The following SMARCAL1 variants were observed in gnomAD, a reference collection of about 807,000 sequenced individuals.
SMARCAL1 encodes ATP-driven annealing helicase.
SMARCAL1 carries 58 observed loss-of-function variants against 94.5 expected under a neutral mutation model. That is an observed-to-expected ratio of 0.61 (90% confidence interval 0.50 to 0.76). SMARCAL1 has a LOEUF of 0.76. Among genes scored for constraint, SMARCAL1 ranks in the 30% least tolerant of loss-of-function variants. SMARCAL1 has a pLI of 0.00. For missense variants in SMARCAL1, 1,051 were observed against 1,177.9 expected, an observed-to-expected ratio of 0.89 and a Z score of 1.58; for synonymous variants, 422 against 455.1, an observed-to-expected ratio of 0.93 and a Z score of 0.93.
At chr2:216,464,958 C>T (rs550901874) in intron 13 of SMARCAL1, among the ~76,000 whole-genome samples, 2 of 152,174 alleles carry the variant, frequency 1.3e-5, no homozygotes, top group East Asian at 3.9e-4. Flanking sequence ...CCAGCCTGGA[C>T]AACATAGTGA....
intron 6 of SMARCAL1, among the ~76,000 whole-genome samples, chr2:216,428,033 A>T (rs1693875711): frequency 6.6e-6 from 1 of 152,214 alleles, no homozygotes; most frequent in East Asian, 1.9e-4. Context: ...TTGAAAAGGT[A>T]AAGGATAAAG....
chr2:216,427,180 T>A (rs572224949), intron 6 of SMARCAL1: 9 of 152,234 alleles, frequency 5.9e-5, no homozygotes, highest in Non-Finnish European at 1.2e-4. Context: ...AAATGACTTC[T>A]AGATGACTCA....
chr2:216,423,193 C>T (rs967967343), intron 5 of SMARCAL1, among the ~76,000 whole-genome samples: 1 of 152,196 alleles, frequency 6.6e-6, no homozygotes, highest in Non-Finnish European at 1.5e-5. Context: ...ACTTGTTTCC[C>T]ATGTGTAAAA....
At chr2:216,441,722 A>G (rs480842) in intron 10 of SMARCAL1, among the ~76,000 whole-genome samples, 111,621 of 152,096 alleles carry the variant, frequency 0.73, 41,453 homozygotes, top group African/African-American at 0.86. Context: ...TGACCTTTTT[A>G]GGGGAGGCCT....
chr2:216,464,501 T>G, intron 12 of SMARCAL1, 96 bp from the exon 13 acceptor site: 165 of 929,126 alleles, frequency 1.8e-4, no homozygotes, highest in Non-Finnish European at 2.3e-4. Flanking sequence ...GACGGGTGGT[T>G]GAGATTTGTA....
rs889090943 is a variant in SMARCAL1 at position 216,475,485 on chromosome 2, G to A, written c.2427+34G>A. On this transcript the variant is annotated intron_variant, in intron 15 of 17. Transcript: ENST00000357276. The surrounding 1 kb of genome is among the most constrained non-coding windows in gnomAD (Gnocchi z 4.4). ...CGCAGAAGACTCAGATACTCCCCAG[G>A]CATGCTCATGGCTGTGGGCAGGAAG... is the stretch of plus-strand genomic sequence containing the variant. The A allele has an allele frequency of 5.0e-6, 8 of 1,600,590 alleles. No homozygotes were observed. The Admixed American group carries it at 1.2e-4, about 23-fold the overall frequency.
chr2:216,453,015 A>T (rs941206034), intron 12 of SMARCAL1, among the ~76,000 whole-genome samples: 1 of 152,200 alleles, frequency 6.6e-6, no homozygotes, highest in East Asian at 1.9e-4. Context: ...ACGGAGCCAC[A>T]ACTCCCTTTT....
intron 11 of SMARCAL1, among the ~76,000 whole-genome samples, chr2:216,448,713 T>A (rs1694374600): frequency 6.6e-6 from 1 of 152,022 alleles, no homozygotes; most frequent in Non-Finnish European, 1.5e-5. Context: ...ACACATGTAG[T>A]CCCAGCTACT....
At chr2:216,474,240 A>G (rs1695023311) in intron 14 of SMARCAL1, among the ~76,000 whole-genome samples, 1 of 143,374 alleles carries the variant, frequency 7.0e-6, no homozygotes, top group Non-Finnish European at 1.5e-5. Context: ...CCCGGATTCA[A>G]GTGATTCTCC....
At chr2:216,460,737 A>G (rs1386518061) in intron 12 of SMARCAL1, among the ~76,000 whole-genome samples, 3 of 151,202 alleles carry the variant, frequency 2.0e-5, no homozygotes, top group African/African-American at 4.9e-5. Flanking sequence ...CCTAATGTAA[A>G]TGATGAGTTA....
intron 12 of SMARCAL1, among the ~76,000 whole-genome samples, chr2:216,457,382 A>G (rs1313823526): frequency 1.3e-5 from 2 of 152,246 alleles, no homozygotes; most frequent in Non-Finnish European, 2.9e-5. Flanking sequence ...TCAACAGAAT[A>G]TACATTCTTC....
chr2:216,438,464 A>G lies in SMARCAL1; in HGVS notation c.1689A>G (p.Arg563=), dbSNP rs1452792009. ...AAAACAGTAGGACTGCCCGCTGTCG[A>G]GCAGCTATGCCGGTCCTAAAGGTGA... ...FLKNSRTARC[R]AAMPVLKVAK... is the part of the protein sequence containing the mutation. The change falls in exon 10 of 18, where the codon CGA becomes CGG. Residue 563 remains arginine, a synonymous_variant. Coordinates refer to ENST00000357276, the MANE Select transcript of SMARCAL1 (RefSeq NM_014140.4). The G allele has an allele frequency of 6.2e-7, 1 of 1,614,082 alleles. No individual in the cohort carries two copies. The highest frequency in any genetic ancestry group is 1.1e-5 in the South Asian group (1 of 91,048).
At chr2:216,435,276 C>A in intron 8 of SMARCAL1, 62 bp from the exon 9 acceptor site, 1 of 1,576,940 alleles carries the variant, frequency 6.3e-7, no homozygotes, top group Non-Finnish European at 8.7e-7. Flanking sequence ...CTGCTGCTGT[C>A]ACAACCAACA....
At chr2:216,441,852 T>C (rs1694204218) in intron 10 of SMARCAL1, among the ~76,000 whole-genome samples, 1 of 151,974 alleles carries the variant, frequency 6.6e-6, no homozygotes, top group South Asian at 2.1e-4. Context: ...AACAGTGAGG[T>C]GTGTGTTTGG....
rs1168943194 is a variant in SMARCAL1, at chr2:216,475,362, G to A, written c.2338G>A (p.Ala780Thr). The stretch of plus-strand genomic sequence containing the variant: ...CCAACTGTCGGAGAGGCATGCTGTG[G>A]CCGTGCTGTCCATCACCGCTGCCAA... ...QFQLSERHAV[A>T]VLSITAANMG... The change falls in exon 15 of 18, where the codon GCC becomes ACC. Residue 780 changes from alanine (A) to threonine (T), a missense_variant. By Grantham distance (58) the Ala-to-Thr change is moderately conservative (BLOSUM62 0). This residue lies in a region of SMARCAL1 where 642 missense variants were observed against 754.7 expected (regional missense o/e 0.85). Coordinates refer to ENST00000357276, the MANE Select transcript of SMARCAL1 (RefSeq NM_014140.4). The surrounding 1 kb of genome is among the most constrained non-coding windows in gnomAD (Gnocchi z 4.4). 1.9e-6 allele frequency: 3 copies of A among 1,614,082 alleles called. No individual in the cohort carries two copies. The highest frequency in any genetic ancestry group is 2.2e-5 in the East Asian group (1 of 44,894).
At chr2:216,428,975 A>G (rs1415385553) in intron 7 of SMARCAL1, among the ~76,000 whole-genome samples, 193 bp downstream of exon 7, 1 of 152,234 alleles carries the variant, frequency 6.6e-6, no homozygotes, top group African/African-American at 2.4e-5. Flanking sequence ...TTCAAATTCC[A>G]TGGGTTAATC....
Position 216,430,091 on chromosome 2 carries a change from GTTTTACCA to G in SMARCAL1, c.1334+1310_1334+1317del, listed in dbSNP as rs568381632. On this transcript the variant is annotated intron_variant, in intron 7 of 17. Transcript: ENST00000357276. ...CCTTGGGCCCACGTGTTGGGTGCTG[GTTTTACCA>G]GTTACCCCATTACCCCTGAGAGAGG... Among the ~76,000 whole-genome samples, 147 of 152,312 alleles carry G rather than the reference GTTTTACCA, an allele frequency of 9.7e-4. 1 individual carries two copies. The highest frequency in any genetic ancestry group is 3.3e-3 in the African/African-American group (139 of 41,568).
chr2:216,457,961 A>G (rs1694608694), intron 12 of SMARCAL1, among the ~76,000 whole-genome samples: 2 of 152,224 alleles, frequency 1.3e-5, no homozygotes, highest in Admixed American at 1.3e-4. Context: ...AGGAGAAAAG[A>G]GAGAAGAATC....
chr2:216,472,949 CTTTGG>C (rs904899741), intron 14 of SMARCAL1, among the ~76,000 whole-genome samples: 1 of 152,170 alleles, frequency 6.6e-6, no homozygotes, highest in Non-Finnish European at 1.5e-5. Context: ...TGCTATCGTA[CTTTGG>C]TTTGTAGTCC....
Sources: allele counts gnomAD v4.1 joint callset (sites outside exome capture counted in the v4.1 genomes callset), GRCh38; gene constraint gnomAD v4.1.1; regional missense constraint gnomAD v4.1.1; non-coding constraint Gnocchi (gnomAD v3.1); transcripts MANE v1.5; gene names NCBI Gene and HGNC (gene_info 2026-07-23, HGNC 2026-07-21).